XRN2: variants seen among roughly 807,000 people sequenced by gnomAD.
The protein encoded by XRN2 is 5'-3' exoribonuclease 2, also known as DHM1-like protein.
XRN2 carries 44 observed loss-of-function variants against 138.5 expected under a neutral mutation model. The ratio of observed to expected loss-of-function variants is 0.32; its 90% CI spans 0.25 to 0.41. The LOEUF is 0.41. XRN2 is among the 10% of genes least tolerant of loss of function. XRN2 has a pLI of 1.00. For synonymous variants in XRN2, 354 were observed against 369.4 expected (o/e 0.96, Z 0.48); for missense variants, 937 against 1,169.3 (o/e 0.80, Z 2.90).
At chr20:21,323,867 G>A (rs1410169095) in intron 1 of XRN2, among the ~76,000 whole-genome samples, 1 of 152,194 alleles carries the variant, frequency 6.6e-6, no homozygotes, top group African/African-American at 2.4e-5. Flanking sequence ...TTCATGTTGT[G>A]TTGTTTATGG....
At chr20:21,338,782 G>A (rs984756996) in intron 13 of XRN2, among the ~76,000 whole-genome samples, 1 of 151,886 alleles carries the variant, frequency 6.6e-6, no homozygotes, top group African/African-American at 2.4e-5. Context: ...TAATGGCTTT[G>A]CATTTTCCTA....
At chr20:21,350,439 T>C (rs1311564722) in intron 20 of XRN2, among the ~76,000 whole-genome samples, 2 of 130,722 alleles carry the variant, frequency 1.5e-5, no homozygotes, top group South Asian at 2.6e-4. Context: ...GGCAGGAGAA[T>C]GGCGTGAACC....
chr20:21,348,271 AAG>A lies in XRN2; in HGVS notation c.1773+19_1773+20del. ...CGAAACCGGTAAGCTTAATTACTTA[AAG>A]TCATAAAGTTTATAGAATTCTGGAT... On this transcript the variant is annotated intron_variant, in intron 18 of 29. Coordinates refer to ENST00000377191, the MANE Select transcript of XRN2 (RefSeq NM_012255.5). 6.2e-7 allele frequency: 1 copy of A among 1,612,298 alleles called. No homozygotes were observed. Among genetic ancestry groups the A allele is most frequent in the Non-Finnish European group, 8.5e-7 (1 of 1,179,388 alleles).
At chr20:21,337,321 T>G (rs2038309709) in intron 13 of XRN2, among the ~76,000 whole-genome samples, 1 of 152,084 alleles carries the variant, frequency 6.6e-6, no homozygotes, top group Non-Finnish European at 1.5e-5. Flanking sequence ...TGAACATGTT[T>G]TGAAGGTAGA....
chr20:21,315,833 G>C (rs147726918), intron 1 of XRN2, among the ~76,000 whole-genome samples: 3 of 152,334 alleles, frequency 2.0e-5, no homozygotes, highest in African/African-American at 7.2e-5. Flanking sequence ...TCCTATTGAA[G>C]TGTAAGAGTT....
At chr20:21,347,098 A>G (rs1335293558) in intron 17 of XRN2, among the ~76,000 whole-genome samples, 1 of 152,236 alleles carries the variant, frequency 6.6e-6, no homozygotes, top group Non-Finnish European at 1.5e-5. Context: ...TTCAGGATCA[A>G]GTAATGTGGT....
intron 15 of XRN2, among the ~76,000 whole-genome samples, chr20:21,341,460 C>T (rs1343575091): frequency 6.6e-6 from 1 of 152,140 alleles, no homozygotes; most frequent in African/African-American, 2.4e-5. Context: ...ATTTATTTGC[C>T]TTGTGGTATT....
At chr20:21,350,440 G>T (rs2122259214) in intron 20 of XRN2, among the ~76,000 whole-genome samples, 1 of 146,204 alleles carries the variant, frequency 6.8e-6, no homozygotes, top group South Asian at 2.1e-4. Context: ...GCAGGAGAAT[G>T]GCGTGAACCC....
chr20:21,314,157 T>A (rs1478720703), intron 1 of XRN2, among the ~76,000 whole-genome samples: 1 of 152,210 alleles, frequency 6.6e-6, no homozygotes, highest in Non-Finnish European at 1.5e-5. Context: ...TTTCCTAGTC[T>A]GGACTTTCAC....
intron 28 of XRN2, among the ~76,000 whole-genome samples, chr20:21,384,119 A>G (rs1437618066): frequency 6.6e-6 from 1 of 152,202 alleles, no homozygotes; most frequent in Non-Finnish European, 1.5e-5. Flanking sequence ...CCATATATCC[A>G]GTAGATTTAA....
intron 14 of XRN2, 140 bp from the exon 15 acceptor site, chr20:21,340,581 A>G (rs1483788785): frequency 1.2e-6 from 1 of 831,684 alleles, no homozygotes; most frequent in Non-Finnish European, 1.8e-6. Context: ...TTGTAATATT[A>G]ACGAAGATCA....
In XRN2 at chr20:21,303,449, C is replaced by T. The variant is rs2122145098; in HGVS notation, c.51C>T (p.Ile17=). Residue 17 remains isoleucine, a synonymous_variant, in exon 1 of 30, where the codon ATC becomes ATT. Coordinates refer to ENST00000377191, the MANE Select transcript of XRN2 (RefSeq NM_012255.5). ...GGCTCAGCCGCAAGTACCCGTCCATCATAGTCAACTGCGTGGAAGAGAAGG... is the reference window on the plus strand; with the variant it reads ...GGCTCAGCCGCAAGTACCCGTCCATTATAGTCAACTGCGTGGAAGAGAAGG... ...FRWLSRKYPS[I]IVNCVEEKPK... The T allele has an allele frequency of 1.3e-6, 2 of 1,547,828 alleles. No homozygotes were observed. Among genetic ancestry groups the T allele is most frequent in the East Asian group, 2.5e-5 (1 of 40,264 alleles).
In XRN2 at chr20:21,305,553, CTTTT is replaced by C. The variant is rs1180206108; in HGVS notation, c.75+2100_75+2103del. On this transcript the variant is annotated intron_variant, in intron 1 of 29. Transcript: ENST00000377191. ...ACAGGCATGAGCCACCATACGTGGCCTTTTTTTTTTTTTTTTTTTTTTTGGATTT... is the reference window on the plus strand; with the variant it reads ...ACAGGCATGAGCCACCATACGTGGCCTTTTTTTTTTTTTTTTTTTGGATTT... Among the ~76,000 whole-genome samples, 4 of 19,840 alleles carry C rather than the reference CTTTT, an allele frequency of 2.0e-4. 1 individual carries two copies. The highest frequency in any genetic ancestry group is 4.2e-4 in the Non-Finnish European group (3 of 7,158). The allele number at this position is 19,840 out of a possible 152,430, so 13.0% of individuals were successfully genotyped here.
rs1192930670 is a variant in XRN2 at position 21,346,406 on chromosome 20, T to C, written c.1530-9T>C. ...TAATTCAGCATAAATGAGCTGTGCC[T>C]GGTTTTAGGTTATGGGAAGCTGGCT... On this transcript the variant is annotated splice_polypyrimidine_tract_variant and intron_variant, in intron 16 of 29. Transcript: ENST00000377191. The C allele has an allele frequency of 6.2e-7, 1 of 1,613,966 alleles. No homozygotes were observed. Among genetic ancestry groups the C allele is most frequent in the Non-Finnish European group, 8.5e-7 (1 of 1,179,902 alleles).
At chr20:21,343,380 T>C (rs937376035) in intron 15 of XRN2, among the ~76,000 whole-genome samples, 31 of 152,166 alleles carry the variant, frequency 2.0e-4, no homozygotes, top group African/African-American at 7.2e-4. Context: ...TAATACTGAA[T>C]TTAAAGTGAC....
chr20:21,363,938 A>AT (rs887947435), intron 24 of XRN2, among the ~76,000 whole-genome samples: 25 of 149,084 alleles, frequency 1.7e-4, no homozygotes, highest in Middle Eastern at 3.5e-3. Context: ...CTGTTACTAA[A>AT]TTTTTTTTTT....
At position 21,311,606 on chromosome 20, in the gene XRN2, T is replaced by C. The variant is rs141413190; in HGVS notation, c.75+8133T>C. Among the ~76,000 whole-genome samples the C allele has an allele frequency of 7.5e-4, 115 of 152,346 alleles. 1 individual carries two copies. The East Asian group carries it at 0.014, about 19-fold the overall frequency. ...CTGTGAGTGGAATCATTGGATCATG[T>C]AATTCTGTGTTTAGCATTTTGAGGA... On this transcript the variant is annotated intron_variant, in intron 1 of 29. Transcript: ENST00000377191.
At chr20:21,354,899 T>TTGA (rs2038557638) in intron 21 of XRN2, 27 bp downstream of exon 21, 1 of 1,575,106 alleles carries the variant, frequency 6.3e-7, no homozygotes, top group African/African-American at 1.3e-5. Context: ...TTAGTTAACA[T>TTGA]TGATCTGTGT....
In XRN2 at chr20:21,345,477, T is replaced by A. The variant is rs1379565413; in HGVS notation, c.1530-938T>A. ...AATTGATATGGTATATTCTGAAACA[T>A]GACTGCAATTAATATGTGAAATCTG... On this transcript the variant is annotated intron_variant, in intron 16 of 29. Transcript: ENST00000377191. Among the ~76,000 whole-genome samples, 4 of 152,208 alleles carry A rather than the reference T, an allele frequency of 2.6e-5. No individual in the cohort carries two copies. In the South Asian group the frequency reaches 8.3e-4, roughly 31 times the overall value.
Sources: allele counts gnomAD v4.1 joint callset (sites outside exome capture counted in the v4.1 genomes callset), GRCh38; gene constraint gnomAD v4.1.1; transcripts MANE v1.5; gene names NCBI Gene and HGNC (gene_info 2026-07-23, HGNC 2026-07-21).